PRKG1: variants seen among roughly 807,000 people sequenced by gnomAD.
The protein encoded by PRKG1 is protein kinase cGMP-dependent 1.
In PRKG1, 35 loss-of-function variants were observed where a neutral mutation model predicts 88.1. The ratio of observed to expected loss-of-function variants is 0.40; its 90% CI spans 0.30 to 0.53. The LOEUF is 0.53. PRKG1 is among the 20% of genes least tolerant of loss of function. The pLI, the probability that PRKG1 is intolerant of heterozygous loss-of-function variation, is 0.59. For synonymous variants in PRKG1, 303 were observed against 292.5 expected (o/e 1.04, Z -0.37); for missense variants, 540 against 839.8 (o/e 0.64, Z 4.41).
chr10:51,711,756 A>T (rs986901006), intron 3 of PRKG1, among the ~76,000 whole-genome samples: 11 of 152,302 alleles, frequency 7.2e-5, no homozygotes, highest in African/African-American at 2.2e-4. Flanking sequence ...GAAACCAGAT[A>T]AGATGGATTG....
At chr10:51,747,192 A>G (rs1173190303) in intron 3 of PRKG1, among the ~76,000 whole-genome samples, 1 of 152,234 alleles carries the variant, frequency 6.6e-6, no homozygotes, top group Non-Finnish European at 1.5e-5. Context: ...AGAATTCAAC[A>G]TCAGCCATAT....
At chr10:51,587,428 C>G (rs1002533220) in intron 3 of PRKG1, among the ~76,000 whole-genome samples, 1 of 152,096 alleles carries the variant, frequency 6.6e-6, no homozygotes, top group African/African-American at 2.4e-5. Context: ...TTACCCAAAG[C>G]CAAGTGTACA....
In PRKG1 at chr10:52,257,974, A is replaced by G. The variant is rs995625869; in HGVS notation, c.1173+6308A>G. Reference sequence around the variant, plus strand: ...CTTTGGTATATGCAAATAAAGTAAGATAAGCATTACTTCATCTCATTATTG... The same window carrying G: ...CTTTGGTATATGCAAATAAAGTAAGGTAAGCATTACTTCATCTCATTATTG... On this transcript the variant is annotated intron_variant, in intron 10 of 17. Transcript: ENST00000373980. Among the ~76,000 whole-genome samples, 21 of 139,596 alleles carry G rather than the reference A, an allele frequency of 1.5e-4. 3 individuals carry two copies. The highest frequency in any genetic ancestry group is 4.7e-4 in the African/African-American group (19 of 40,368). 91.6% of individuals were successfully genotyped at this position (139,596 alleles called of 152,430 possible).
intron 2 of PRKG1, among the ~76,000 whole-genome samples, chr10:51,172,106 ACATTTGCT>A (rs1275894897): frequency 1.6e-4 from 25 of 152,092 alleles, no homozygotes; most frequent in African/African-American, 6.0e-4. Flanking sequence ...TTTACCTAAC[ACATTTGCT>A]TCCAAATAAC....
At chr10:51,734,902 G>A (rs1564626127) in intron 3 of PRKG1, among the ~76,000 whole-genome samples, 1 of 152,174 alleles carries the variant, frequency 6.6e-6, no homozygotes, top group Non-Finnish European at 1.5e-5. Flanking sequence ...AAAAGAATAA[G>A]GTCCCATCTA....
intron 3 of PRKG1, among the ~76,000 whole-genome samples, chr10:51,569,834 T>C (rs185480288): frequency 1.2e-4 from 18 of 152,042 alleles, no homozygotes; most frequent in African/African-American, 4.1e-4. Context: ...AGTGAAATAA[T>C]GCATATAAAT....
At chr10:51,270,037 T>C (rs922399414) in intron 2 of PRKG1, among the ~76,000 whole-genome samples, 5 of 152,186 alleles carry the variant, frequency 3.3e-5, no homozygotes, top group African/African-American at 1.2e-4. Flanking sequence ...ATTTTGACTG[T>C]CTGTAACCAA....
chr10:51,809,952 C>T (rs1839411026), intron 4 of PRKG1, among the ~76,000 whole-genome samples: 1 of 151,940 alleles, frequency 6.6e-6, no homozygotes, highest in Admixed American at 6.6e-5. Context: ...TGTTTCATCT[C>T]CTTAGATGCT....
intron 3 of PRKG1, among the ~76,000 whole-genome samples, chr10:51,608,591 C>G (rs1216115347): frequency 6.6e-6 from 1 of 152,122 alleles, no homozygotes; most frequent in Non-Finnish European, 1.5e-5. Flanking sequence ...GTGATTATAA[C>G]ATCAGAAATC....
chr10:52,190,563 CT>C (rs1448132039), intron 9 of PRKG1, among the ~76,000 whole-genome samples: 1 of 151,894 alleles, frequency 6.6e-6, no homozygotes, highest in Admixed American at 6.6e-5. Flanking sequence ...CTTATTTTAC[CT>C]GATTTTACAG....
At chr10:51,740,971 T>G (rs1227818040) in intron 3 of PRKG1, among the ~76,000 whole-genome samples, 1 of 151,956 alleles carries the variant, frequency 6.6e-6, no homozygotes, top group Non-Finnish European at 1.5e-5. Context: ...TTTTAAAGAT[T>G]CTTTCTCTTC....
chr10:52,042,632 A>G (rs755439770), intron 5 of PRKG1, among the ~76,000 whole-genome samples: 6 of 152,148 alleles, frequency 3.9e-5, no homozygotes, highest in Non-Finnish European at 8.8e-5. Flanking sequence ...AGAAGAACAT[A>G]TAAGGGAAAT....
intron 9 of PRKG1, among the ~76,000 whole-genome samples, chr10:52,183,177 C>T (rs1261118601): frequency 6.6e-6 from 1 of 152,220 alleles, no homozygotes; most frequent in African/African-American, 2.4e-5. Context: ...TTGGAGGTCA[C>T]ATTTCAACAT....
chr10:51,764,392 G>C (rs1328962370), intron 3 of PRKG1, among the ~76,000 whole-genome samples: 1 of 152,058 alleles, frequency 6.6e-6, no homozygotes, highest in Non-Finnish European at 1.5e-5. Context: ...CTTATGTTTT[G>C]GGGAGAAGAA....
chr10:51,498,899 C>A, intron 3 of PRKG1, among the ~76,000 whole-genome samples: 1 of 149,682 alleles, frequency 6.7e-6, no homozygotes, highest in East Asian at 1.9e-4. Flanking sequence ...TCTATTTACC[C>A]TTACTCTGTC....
intron 1 of PRKG1, among the ~76,000 whole-genome samples, chr10:51,045,306 A>C (rs996043394): frequency 2.7e-5 from 4 of 146,678 alleles, no homozygotes; most frequent in Non-Finnish European, 5.9e-5. Context: ...CATAGAAAAA[A>C]ATATTTATTT....
intron 2 of PRKG1, among the ~76,000 whole-genome samples, chr10:51,205,127 CTTTTTTTTTTT>C (rs58176913): frequency 1.3e-3 from 86 of 64,014 alleles, no homozygotes; most frequent in African/African-American, 3.9e-3. Flanking sequence ...ATTTTCTTTT[CTTTTTTTTTTT>C]TTTTTTTTTT....
chr10:51,512,356 C>T lies in PRKG1; in HGVS notation c.592+44520C>T, dbSNP rs578118064. ...CTATCCCTCCCCCCTCCCCCCACCCCACCACAGTCTCCAGAGTGTGATATT... is the reference window on the plus strand; with the variant it reads ...CTATCCCTCCCCCCTCCCCCCACCCTACCACAGTCTCCAGAGTGTGATATT... On this transcript the variant is annotated intron_variant, in intron 3 of 17. Coordinates refer to ENST00000373980, the MANE Select transcript of PRKG1 (RefSeq NM_006258.4). 2.2e-3 allele frequency among the ~76,000 whole-genome samples: 257 copies of T among 116,662 alleles called. 2 individuals carry two copies. The highest frequency in any genetic ancestry group is 6.9e-3 in the South Asian group (21 of 3,062). The allele number at this position is 116,662 out of a possible 152,430, so 76.5% of individuals were successfully genotyped here.
chr10:52,199,602 T>C (rs563745375), intron 9 of PRKG1, among the ~76,000 whole-genome samples: 8 of 152,218 alleles, frequency 5.3e-5, no homozygotes, highest in Admixed American at 4.6e-4. Context: ...AAATAAGAGG[T>C]TCAGCTTTGC....
Sources: gnomAD v4.1 joint callset for allele counts (sites outside exome capture counted in the v4.1 genomes callset) on GRCh38, gnomAD v4.1.1 for gene constraint, MANE v1.5 for transcripts, NCBI Gene and HGNC (gene_info 2026-07-23, HGNC 2026-07-21) for gene names.